Variants in ZRANB3 observed in about 807,000 individuals in gnomAD.
ZRANB3 encodes DNA annealing helicase and endonuclease ZRANB3.
ZRANB3 carries 125 observed loss-of-function variants against 133.8 expected under a neutral mutation model. The ratio of observed to expected loss-of-function variants is 0.93; its 90% confidence interval spans 0.81 to 1.08. The LOEUF is 1.08. Among genes scored for constraint, ZRANB3 ranks in the 50% least tolerant of loss-of-function variants. The pLI is 0.00. For synonymous variants in ZRANB3, 387 were observed against 432.7 expected (o/e 0.89, Z 1.31); for missense variants, 1,229 against 1,275.5 (o/e 0.96, Z 0.56).
At chr2:135,434,092 G>A (rs1340135213) in intron 2 of ZRANB3, among the ~76,000 whole-genome samples, 1 of 152,150 alleles carries the variant, frequency 6.6e-6, no homozygotes, top group East Asian at 1.9e-4. Flanking sequence ...AACCCAGGAG[G>A]CACGGGTTGC....
intron 1 of ZRANB3, among the ~76,000 whole-genome samples, chr2:135,508,138 T>C (rs1007414111): frequency 6.6e-6 from 1 of 152,162 alleles, no homozygotes; most frequent in African/African-American, 2.4e-5. Context: ...GTTTTTTGTT[T>C]TTTGTTTTTT....
chr2:135,492,159 C>T (rs1692413268), intron 2 of ZRANB3, among the ~76,000 whole-genome samples: 1 of 152,058 alleles, frequency 6.6e-6, no homozygotes. Flanking sequence ...TTTTAGGCAA[C>T]AGAAACCATA....
At chr2:135,414,367 A>G (rs1460938839) in intron 2 of ZRANB3, among the ~76,000 whole-genome samples, 1 of 152,160 alleles carries the variant, frequency 6.6e-6, no homozygotes, top group Non-Finnish European at 1.5e-5. Context: ...AGGCCATTAC[A>G]TGGTGGTAAA....
chr2:135,268,588 G>A (rs547612541), intron 11 of ZRANB3, among the ~76,000 whole-genome samples: 67 of 152,286 alleles, frequency 4.4e-4, no homozygotes, highest in African/African-American at 1.6e-3. Context: ...CTGGGTACAG[G>A]CTACCTTCTG....
At chr2:135,392,731 G>A (rs754238810) in intron 2 of ZRANB3, among the ~76,000 whole-genome samples, 2 of 152,164 alleles carry the variant, frequency 1.3e-5, no homozygotes, top group Non-Finnish European at 2.9e-5. Context: ...TTGGGCAACA[G>A]AGTGAGACTC....
At chr2:135,233,670 A>C (rs965809562) in intron 12 of ZRANB3, among the ~76,000 whole-genome samples, 29 of 152,352 alleles carry the variant, frequency 1.9e-4, no homozygotes, top group Non-Finnish European at 3.2e-4. Flanking sequence ...TTTTCAACCT[A>C]GAATTTCATA....
intron 1 of ZRANB3, among the ~76,000 whole-genome samples, chr2:135,528,307 C>T (rs1467402312): frequency 1.3e-5 from 2 of 151,962 alleles, no homozygotes; most frequent in South Asian, 2.1e-4. Context: ...ACCACTACGC[C>T]CAGCTAATTT....
At chr2:135,518,016 T>C (rs1693771694) in intron 1 of ZRANB3, among the ~76,000 whole-genome samples, 1 of 152,116 alleles carries the variant, frequency 6.6e-6, no homozygotes, top group African/African-American at 2.4e-5. Context: ...TGCGGTGGGT[T>C]CCGCACCCAG....
At chr2:135,518,849 G>T (rs1196859585) in intron 1 of ZRANB3, among the ~76,000 whole-genome samples, 1 of 152,124 alleles carries the variant, frequency 6.6e-6, no homozygotes, top group Non-Finnish European at 1.5e-5. Flanking sequence ...TCTGCTGAGA[G>T]GCACTGCAGC....
chr2:135,367,256 A>C (rs1403116285), intron 3 of ZRANB3, among the ~76,000 whole-genome samples: 1 of 152,166 alleles, frequency 6.6e-6, no homozygotes, highest in East Asian at 1.9e-4. Flanking sequence ...TATAGTGTTT[A>C]AAACTCAGAT....
chr2:135,335,260 T>C (rs1363020029), intron 6 of ZRANB3, among the ~76,000 whole-genome samples: 2 of 152,108 alleles, frequency 1.3e-5, no homozygotes, highest in Non-Finnish European at 1.5e-5. Flanking sequence ...ATTTTAAAAA[T>C]TGATGAATTA....
chr2:135,346,549 T>A (rs1028074130), intron 5 of ZRANB3, among the ~76,000 whole-genome samples: 1 of 152,184 alleles, frequency 6.6e-6, no homozygotes, highest in Non-Finnish European at 1.5e-5. Context: ...CATTCATCCA[T>A]CCATTTGCAT....
intron 2 of ZRANB3, among the ~76,000 whole-genome samples, chr2:135,493,759 C>G (rs72986474): frequency 0.19 from 28,808 of 152,008 alleles, 3,641 homozygotes; most frequent in South Asian, 0.33. Flanking sequence ...AGTTAAAGCA[C>G]ACTCCACCCA....
At chr2:135,296,482 AT>A (rs548568393) in intron 8 of ZRANB3, among the ~76,000 whole-genome samples, 16 of 149,452 alleles carry the variant, frequency 1.1e-4, no homozygotes, top group South Asian at 2.1e-4. Flanking sequence ...CATTCGTCTA[AT>A]TTTTTTTTTC....
chr2:135,304,313 A>T (rs745561722), intron 8 of ZRANB3, among the ~76,000 whole-genome samples: 3 of 152,180 alleles, frequency 2.0e-5, no homozygotes, highest in Non-Finnish European at 4.4e-5. Context: ...AGGAATGGAT[A>T]TTGAATTTTG....
intron 2 of ZRANB3, among the ~76,000 whole-genome samples, chr2:135,450,674 C>T (rs1359616826): frequency 6.6e-6 from 1 of 152,094 alleles, no homozygotes; most frequent in Non-Finnish European, 1.5e-5. Flanking sequence ...GGTTTTAAGA[C>T]ACTGGACATG....
At chr2:135,264,470 CAAAA>C (rs201380002) in intron 12 of ZRANB3, among the ~76,000 whole-genome samples, 2 of 64,954 alleles carry the variant, frequency 3.1e-5, no homozygotes, top group Non-Finnish European at 3.3e-5. Context: ...GACTCTGTCT[CAAAA>C]AAAAAAAAAA....
intron 15 of ZRANB3, among the ~76,000 whole-genome samples, chr2:135,223,984 A>G (rs6430564): frequency 0.2 from 29,901 of 152,170 alleles, 4,000 homozygotes; most frequent in African/African-American, 0.35. Context: ...TTTTATCTTT[A>G]TAACAAATCC....
intron 3 of ZRANB3, among the ~76,000 whole-genome samples, chr2:135,356,067 G>T (rs148551507): frequency 6.6e-6 from 1 of 151,828 alleles, no homozygotes; most frequent in Non-Finnish European, 1.5e-5. Flanking sequence ...CCCAAAGACC[G>T]CCACTCCTCA....
Sources: allele counts gnomAD v4.1 joint callset (sites outside exome capture counted in the v4.1 genomes callset), GRCh38; gene constraint gnomAD v4.1.1; transcripts MANE v1.5; gene names NCBI Gene and HGNC (gene_info 2026-07-23, HGNC 2026-07-21).